The following SORCS2 variants were observed in gnomAD, a reference collection of about 807,000 sequenced individuals.
SORCS2 encodes the protein sortilin related VPS10 domain containing receptor 2.
SORCS2 carries 100 observed loss-of-function variants against 141.6 expected under a neutral mutation model. The ratio of observed to expected loss-of-function variants is 0.71; its 90% confidence interval spans 0.60 to 0.83. The LOEUF is 0.83. Among genes scored for constraint, SORCS2 ranks in the 40% least tolerant of loss-of-function variants. SORCS2 has a pLI of 0.00. For missense variants in SORCS2, 1,646 were observed against 1,560.2 expected (o/e 1.05, Z -0.93); for synonymous variants, 789 against 676.9 (o/e 1.17, Z -2.57).
chr4:7,639,582 G>T (rs7674184), intron 4 of SORCS2, among the ~76,000 whole-genome samples: 55,935 of 150,934 alleles, frequency 0.37, 10,890 homozygotes, highest in African/African-American at 0.47. Context: ...AATGTGTGTG[G>T]GAATGCGAGT....
At chr4:7,647,250 A>G (rs1040831127) in intron 4 of SORCS2, among the ~76,000 whole-genome samples, 3 of 152,040 alleles carry the variant, frequency 2.0e-5, no homozygotes, top group Non-Finnish European at 4.4e-5. Context: ...CAGACTCTCA[A>G]CCTCCTTCTT....
intron 1 of SORCS2, among the ~76,000 whole-genome samples, chr4:7,257,394 C>T (rs1713970485): frequency 6.6e-6 from 1 of 151,980 alleles, no homozygotes; most frequent in Non-Finnish European, 1.5e-5. Flanking sequence ...GGGGAACTCC[C>T]CGGGGCTCCA....
At chr4:7,408,227 AT>A (rs1725096123) in intron 2 of SORCS2, among the ~76,000 whole-genome samples, 1 of 151,760 alleles carries the variant, frequency 6.6e-6, no homozygotes, top group Admixed American at 6.6e-5. Flanking sequence ...TAGCGTTTTA[AT>A]TTTTTTTCCT....
At chr4:7,471,443 C>A (rs1486075954) in intron 2 of SORCS2, among the ~76,000 whole-genome samples, 1 of 152,224 alleles carries the variant, frequency 6.6e-6, no homozygotes, top group African/African-American at 2.4e-5. Flanking sequence ...GCTGTCCAGG[C>A]CCTAATTTGC....
chr4:7,565,299 CT>C (rs1413213604), intron 3 of SORCS2, among the ~76,000 whole-genome samples: 1 of 152,128 alleles, frequency 6.6e-6, no homozygotes, highest in Non-Finnish European at 1.5e-5. Context: ...GATTATTCTG[CT>C]CTTGGAATAA....
intron 16 of SORCS2, 136 bp from the exon 17 acceptor site, chr4:7,715,047 T>C (rs1726096940): frequency 8.3e-6 from 10 of 1,204,634 alleles, no homozygotes; most frequent in Admixed American, 2.0e-5. Context: ...TGTTCCTTGA[T>C]GTCCTCACAG....
At chr4:7,594,689 C>T (rs1270749625) in intron 3 of SORCS2, among the ~76,000 whole-genome samples, 1 of 152,174 alleles carries the variant, frequency 6.6e-6, no homozygotes, top group African/African-American at 2.4e-5. Context: ...TCTGGCCACA[C>T]ACAGGTGTTT....
chr4:7,657,826 G>A (rs1721890060), intron 5 of SORCS2, among the ~76,000 whole-genome samples: 1 of 151,892 alleles, frequency 6.6e-6, no homozygotes, highest in African/African-American at 2.4e-5. Flanking sequence ...GAGTGGGTGA[G>A]TCTGTGACTG....
chr4:7,656,345 A>G (rs1721775348), intron 5 of SORCS2, among the ~76,000 whole-genome samples: 1 of 149,092 alleles, frequency 6.7e-6, no homozygotes, highest in East Asian at 2.0e-4. Flanking sequence ...GAACAGAATC[A>G]TAACAGCAGC....
At chr4:7,516,164 C>G (rs1732967303) in intron 2 of SORCS2, among the ~76,000 whole-genome samples, 1 of 152,178 alleles carries the variant, frequency 6.6e-6, no homozygotes, top group Non-Finnish European at 1.5e-5. Flanking sequence ...GAGAGCTGGT[C>G]AGATGCAGTC....
rs558029976 is a variant in SORCS2 at position 7,452,676 on chromosome 4, A to G, written c.548+56321A>G. Among the ~76,000 whole-genome samples the G allele has an allele frequency of 1.6e-3, 246 of 152,030 alleles. 1 individual carries two copies. The highest frequency in any genetic ancestry group is 5.6e-3 in the African/African-American group (233 of 41,442). On this transcript the variant is annotated intron_variant, in intron 2 of 26. Coordinates refer to ENST00000507866, the MANE Select transcript of SORCS2 (RefSeq NM_020777.3). Reference sequence around the variant, plus strand: ...CCACATGCCCAGCAGCTGGCTTACCACTCTGTGCCTCAGTTTCTGCCTCTG... The same window carrying G: ...CCACATGCCCAGCAGCTGGCTTACCGCTCTGTGCCTCAGTTTCTGCCTCTG...
intron 2 of SORCS2, among the ~76,000 whole-genome samples, chr4:7,426,398 TGGCCCCTGGGGGCC>T (rs1158589168): frequency 6.6e-6 from 1 of 151,026 alleles, no homozygotes; most frequent in Non-Finnish European, 1.5e-5. Flanking sequence ...CCGCTGAGGG[TGGCCCCTGGGGGCC>T]CATTACTAAG....
At chr4:7,231,624 C>G (rs558552898) in intron 1 of SORCS2, among the ~76,000 whole-genome samples, 1 of 152,344 alleles carries the variant, frequency 6.6e-6, no homozygotes, top group South Asian at 2.1e-4. Flanking sequence ...ACTGGGGACC[C>G]CCAGATGAAC....
At chr4:7,248,770 A>G (rs1326701610) in intron 1 of SORCS2, among the ~76,000 whole-genome samples, 1 of 152,230 alleles carries the variant, frequency 6.6e-6, no homozygotes, top group Non-Finnish European at 1.5e-5. Context: ...ATAACTGATC[A>G]CCTTAAGAAG....
intron 2 of SORCS2, among the ~76,000 whole-genome samples, chr4:7,446,643 C>T (rs1728021275): frequency 6.6e-6 from 1 of 152,120 alleles, no homozygotes; most frequent in Non-Finnish European, 1.5e-5. Flanking sequence ...GGGTGGAATC[C>T]AGGCCTGGAG....
intron 2 of SORCS2, among the ~76,000 whole-genome samples, chr4:7,452,895 T>G (rs4618313): frequency 7.5e-6 from 1 of 133,932 alleles, no homozygotes. Context: ...GGTCAGGCGC[T>G]GTGTTGGGGT....
chr4:7,571,883 C>G (rs1023221627), intron 3 of SORCS2, among the ~76,000 whole-genome samples: 1 of 152,202 alleles, frequency 6.6e-6, no homozygotes, highest in Admixed American at 6.5e-5. Context: ...GTCGACCCCC[C>G]TCGCGGTGCC....
intron 2 of SORCS2, among the ~76,000 whole-genome samples, chr4:7,476,693 T>C (rs34517145): frequency 0.14 from 21,080 of 152,102 alleles, 1,989 homozygotes; most frequent in African/African-American, 0.25. Context: ...TGCCTCCTGC[T>C]AGGAGTCCCT....
At chr4:7,279,851 C>T (rs1715753833) in intron 1 of SORCS2, among the ~76,000 whole-genome samples, 1 of 151,754 alleles carries the variant, frequency 6.6e-6, no homozygotes, top group African/African-American at 2.4e-5. Flanking sequence ...TCTGGACGCA[C>T]CTCCCCTCCC....
Sources: allele counts gnomAD v4.1 joint callset (sites outside exome capture counted in the v4.1 genomes callset), GRCh38; gene constraint gnomAD v4.1.1; transcripts MANE v1.5; gene names NCBI Gene and HGNC (gene_info 2026-07-23, HGNC 2026-07-21).